Variants in KSR2 observed in about 807,000 individuals in gnomAD.
The protein encoded by KSR2 is kinase suppressor of ras 2.
Under a neutral mutation model 107.8 loss-of-function variants are expected in KSR2, and 25 were observed. The observed-to-expected ratio is 0.23, with a 90% CI of 0.17 to 0.32. The LOEUF (loss-of-function observed/expected upper bound fraction) is 0.32, where lower values mean the gene tolerates loss of function less well. KSR2 is among the 10% of genes least tolerant of loss of function. The pLI is 1.00. For missense variants in KSR2, 887 were observed against 1,268.9 expected (o/e 0.70, Z 4.57); for synonymous variants, 480 against 507.0 (o/e 0.95, Z 0.71).
intron 3 of KSR2, among the ~76,000 whole-genome samples, chr12:117,854,377 G>A (rs1049766295): frequency 2.6e-5 from 4 of 152,188 alleles, no homozygotes; most frequent in African/African-American, 4.8e-5. Flanking sequence ...AAAAGGGCAC[G>A]CATGGAGGAC....
At chr12:117,475,602 A>G (rs997759186) in intron 17 of KSR2, among the ~76,000 whole-genome samples, 5 of 152,150 alleles carry the variant, frequency 3.3e-5, no homozygotes, top group Non-Finnish European at 5.9e-5. Context: ...TCAGAATAGC[A>G]TTTATCATAC....
chr12:117,823,393 T>G (rs1891633360), intron 3 of KSR2, among the ~76,000 whole-genome samples: 1 of 152,050 alleles, frequency 6.6e-6, no homozygotes. Context: ...TAGGCAGATT[T>G]GAGATACAAT....
At chr12:117,945,143 C>G (rs369848075) in intron 1 of KSR2, among the ~76,000 whole-genome samples, 1 of 152,162 alleles carries the variant, frequency 6.6e-6, no homozygotes, top group African/African-American at 2.4e-5. Flanking sequence ...ACTTCTCTCT[C>G]TGTAATCAAT....
At chr12:117,746,745 AC>A (rs869227120) in intron 4 of KSR2, among the ~76,000 whole-genome samples, 6 of 151,758 alleles carry the variant, frequency 4.0e-5, no homozygotes, top group South Asian at 2.1e-4. Flanking sequence ...AGAAAAAAAA[AC>A]CCCCATCAAA....
chr12:117,888,477 C>T (rs1894243827), intron 1 of KSR2, among the ~76,000 whole-genome samples: 1 of 152,172 alleles, frequency 6.6e-6, no homozygotes, highest in African/African-American at 2.4e-5. Context: ...TATTGAATCC[C>T]TAACTCCCAG....
Position 117,833,904 on chromosome 12 carries a change from G to A in KSR2, c.472+21524C>T, listed in dbSNP as rs117340397. ...GGCACTTTGGGAGGCCGAGGCAGGCGGATCGCTTGAGCCCAGGAGTTCAAT... is the reference window on the plus strand; with the variant it reads ...GGCACTTTGGGAGGCCGAGGCAGGCAGATCGCTTGAGCCCAGGAGTTCAAT... On this transcript the variant is annotated intron_variant, in intron 3 of 19. Coordinates refer to ENST00000339824, the MANE Select transcript of KSR2 (RefSeq NM_173598.6). 1.8e-3 allele frequency among the ~76,000 whole-genome samples: 281 copies of A among 152,060 alleles called. 5 individuals are homozygous for A. In the East Asian group the frequency reaches 0.048, roughly 26 times the overall value.
chr12:117,494,526 C>G lies in KSR2; in HGVS notation c.2220-8835G>C, dbSNP rs185095148. ...CTTTGAGAACCACCGCTCAAGCCCA[C>G]TCTCCTTTTATGGAGGCCCAGAGGT... On this transcript the variant is annotated intron_variant, in intron 14 of 19. Transcript: ENST00000339824. Among the ~76,000 whole-genome samples the G allele has an allele frequency of 1.1e-4, 17 of 152,316 alleles. No homozygotes were observed. The East Asian group carries it at 3.1e-3, about 28-fold the overall frequency.
intron 9 of KSR2, among the ~76,000 whole-genome samples, chr12:117,554,742 T>C (rs1055292498): frequency 6.6e-6 from 1 of 152,194 alleles, no homozygotes; most frequent in Non-Finnish European, 1.5e-5. Flanking sequence ...CCTAGTCACA[T>C]AGAACTGTGA....
intron 1 of KSR2, among the ~76,000 whole-genome samples, chr12:117,908,123 A>T (rs1894910143): frequency 6.6e-6 from 1 of 152,250 alleles, no homozygotes; most frequent in Non-Finnish European, 1.5e-5. Flanking sequence ...TTGAAATGAA[A>T]ATGATTTATA....
chr12:117,527,192 G>T, intron 12 of KSR2, 73 bp from the exon 13 acceptor site: 1 of 1,102,890 alleles, frequency 9.1e-7, no homozygotes, highest in Non-Finnish European at 1.4e-6. Flanking sequence ...AGCTATGTAC[G>T]AAGAATCCCC....
In KSR2 at chr12:117,460,793, C is replaced by T. The variant is rs1870853278; in HGVS notation, c.*6406G>A. On this transcript the variant is annotated 3_prime_UTR_variant, in exon 20 of 20. Transcript: ENST00000339824. ...GCAATTTGGAGGCTGGTTTCTGTCC[C>T]TGTACCACAGTTGCCCCATTGGAAC... 1 of 152,176 alleles carries T rather than the reference C, an allele frequency of 6.6e-6. No individual in the cohort carries two copies. Among genetic ancestry groups the T allele is most frequent in the Non-Finnish European group, 1.5e-5 (1 of 68,042 alleles). The allele number at this position is 152,176 out of a possible 1,614,324, so 9.4% of individuals were successfully genotyped here. A position where few individuals can be genotyped will look rare whatever the true frequency, so the allele number is the denominator to read the frequency against.
intron 5 of KSR2, 69 bp downstream of exon 5, chr12:117,667,405 A>G: frequency 7.0e-7 from 1 of 1,421,790 alleles, no homozygotes; most frequent in Non-Finnish European, 9.7e-7. Context: ...GGCACAGAGG[A>G]CAGCAGGTGC....
intron 4 of KSR2, among the ~76,000 whole-genome samples, chr12:117,732,533 G>A (rs1022412022): frequency 9.2e-5 from 14 of 152,116 alleles, no homozygotes; most frequent in South Asian, 4.2e-4. Flanking sequence ...CAAGTGATCC[G>A]TCCACCTCGG....
chr12:117,650,949 G>T (rs1883880116), intron 5 of KSR2, among the ~76,000 whole-genome samples: 1 of 152,152 alleles, frequency 6.6e-6, no homozygotes, highest in South Asian at 2.1e-4. Context: ...TGAGTGGCTG[G>T]CTAACCTGCA....
chr12:117,652,800 G>A (rs1300784663), intron 5 of KSR2, among the ~76,000 whole-genome samples: 1 of 152,140 alleles, frequency 6.6e-6, no homozygotes, highest in Non-Finnish European at 1.5e-5. Flanking sequence ...GGAGCTTATG[G>A]AGGTCAGGTA....
intron 1 of KSR2, among the ~76,000 whole-genome samples, chr12:117,861,190 G>T (rs992571639): frequency 4.6e-5 from 7 of 152,156 alleles, no homozygotes; most frequent in Non-Finnish European, 7.3e-5. Context: ...CATAAAGGAT[G>T]CTACAGCCAA....
intron 5 of KSR2, among the ~76,000 whole-genome samples, chr12:117,603,757 A>T (rs1420402770): frequency 1.3e-5 from 2 of 152,246 alleles, no homozygotes; most frequent in Non-Finnish European, 2.9e-5. Flanking sequence ...ACCCCCCAAA[A>T]AAACCTTGAA....
At chr12:117,656,981 GATATATATATATATATATAT>G (rs59605571) in intron 5 of KSR2, among the ~76,000 whole-genome samples, 1 of 98,210 alleles carries the variant, frequency 1.0e-5, no homozygotes, top group African/African-American at 4.3e-5. Flanking sequence ...TATATAATAG[GATATATATATATATATATAT>G]ATATATATAT....
At chr12:117,637,065 G>T (rs953498294) in intron 5 of KSR2, among the ~76,000 whole-genome samples, 1 of 152,302 alleles carries the variant, frequency 6.6e-6, no homozygotes, top group Non-Finnish European at 1.5e-5. Context: ...AACCTCATCA[G>T]CAATTAGGGA....
Sources: gnomAD v4.1 joint callset for allele counts (sites outside exome capture counted in the v4.1 genomes callset) on GRCh38, gnomAD v4.1.1 for gene constraint, MANE v1.5 for transcripts, NCBI Gene and HGNC (gene_info 2026-07-23, HGNC 2026-07-21) for gene names.